Variants in SNX29 observed in about 807,000 individuals in gnomAD.
The protein encoded by SNX29 is sorting nexin-29.
A neutral mutation model predicts 102.1 loss-of-function variants in SNX29; 78 were observed. The ratio of observed to expected loss-of-function variants is 0.76; its 90% CI spans 0.64 to 0.92. The LOEUF (loss-of-function observed/expected upper bound fraction) is 0.92, where lower values mean the gene tolerates loss of function less well. Among genes scored for constraint, SNX29 ranks in the 40% least tolerant of loss-of-function variants. SNX29 has a pLI of 0.00. For synonymous variants in SNX29, 580 were observed against 414.5 expected, an observed-to-expected ratio of 1.40 and a Z score of -4.85; for missense variants, 1,280 against 1,061.7, an observed-to-expected ratio of 1.21 and a Z score of -2.86.
intron 15 of SNX29, among the ~76,000 whole-genome samples, chr16:12,304,077 A>G (rs1052063316): frequency 1.3e-5 from 2 of 152,108 alleles, no homozygotes; most frequent in South Asian, 4.1e-4. Context: ...AATAAGAATG[A>G]TTTCTACCTG....
chr16:12,474,554 G>A (rs1312228544), intron 18 of SNX29, among the ~76,000 whole-genome samples: 6 of 152,150 alleles, frequency 3.9e-5, no homozygotes, highest in Non-Finnish European at 8.8e-5. Context: ...CCTCCAGGGA[G>A]CAAAAACAGT....
chr16:12,405,293 T>G (rs1203305565), intron 18 of SNX29, among the ~76,000 whole-genome samples: 1 of 152,198 alleles, frequency 6.6e-6, no homozygotes, highest in Non-Finnish European at 1.5e-5. Context: ...TTGGCAATTT[T>G]TAGCTCCTGA....
At chr16:12,440,321 C>CT in intron 18 of SNX29, among the ~76,000 whole-genome samples, 1 of 152,210 alleles carries the variant, frequency 6.6e-6, no homozygotes. Context: ...CATCACCACT[C>CT]TAATTCCAGA....
At chr16:12,378,807 C>T (rs564964990) in intron 16 of SNX29, among the ~76,000 whole-genome samples, 1 of 152,290 alleles carries the variant, frequency 6.6e-6, no homozygotes, top group South Asian at 2.1e-4. Context: ...TCCGCTCCCC[C>T]AGCCCAGTCC....
chr16:12,415,173 C>G (rs1400178763), intron 18 of SNX29, among the ~76,000 whole-genome samples: 3 of 152,236 alleles, frequency 2.0e-5, no homozygotes, highest in Non-Finnish European at 4.4e-5. Flanking sequence ...GAGCAGAAAA[C>G]CAGGACCCAC....
intron 19 of SNX29, among the ~76,000 whole-genome samples, chr16:12,481,846 A>G (rs1248599178): frequency 2.6e-5 from 4 of 152,166 alleles, no homozygotes; most frequent in Admixed American, 6.5e-5. Flanking sequence ...ACCCGGCCCC[A>G]TGATTGTCCT....
At chr16:12,034,085 A>G (rs2057412075) in intron 4 of SNX29, among the ~76,000 whole-genome samples, 1 of 152,296 alleles carries the variant, frequency 6.6e-6, no homozygotes, top group East Asian at 1.9e-4. Flanking sequence ...TATACCCATA[A>G]CTGTAAAATG....
Position 12,105,203 on chromosome 16 carries a change from TCCTCCCTCCCTC to T in SNX29, c.1403-21414_1403-21403del, listed in dbSNP as rs55784743. Among the ~76,000 whole-genome samples, 37 of 143,096 alleles carry T rather than the reference TCCTCCCTCCCTC, an allele frequency of 2.6e-4. 1 individual carries two copies. Among genetic ancestry groups the T allele is most frequent in the African/African-American group, 3.4e-4 (13 of 38,614 alleles). 93.9% of individuals were successfully genotyped at this position (143,096 alleles called of 152,430 possible). ...TAATTTATTTCCTTCCTTCCTCCCT[TCCTCCCTCCCTC>T]CCTCCCTCCCTCCCTTCCTTCCTTC... On this transcript the variant is annotated intron_variant, in intron 11 of 20. Transcript: ENST00000566228.
At chr16:12,315,093 C>G (rs567549620) in intron 15 of SNX29, among the ~76,000 whole-genome samples, 1 of 152,280 alleles carries the variant, frequency 6.6e-6, no homozygotes, top group African/African-American at 2.4e-5. Flanking sequence ...TCTCTGGTTT[C>G]ATCCTCTGGA....
At chr16:12,503,014 C>T (rs1015006033) in intron 19 of SNX29, among the ~76,000 whole-genome samples, 3 of 152,194 alleles carry the variant, frequency 2.0e-5, no homozygotes, top group African/African-American at 4.8e-5. Flanking sequence ...TTTCCCTAAT[C>T]CCATGTATCT....
intron 1 of SNX29, among the ~76,000 whole-genome samples, chr16:11,998,615 C>T (rs533629422): frequency 4.4e-4 from 67 of 152,262 alleles, no homozygotes; most frequent in African/African-American, 1.6e-3. Context: ...CTGGCTCCAC[C>T]CAACATGTTT....
At chr16:12,037,250 G>A (rs1226200211) in intron 4 of SNX29, among the ~76,000 whole-genome samples, 2 of 152,150 alleles carry the variant, frequency 1.3e-5, no homozygotes, top group South Asian at 4.1e-4. Flanking sequence ...GTGTGGCTGC[G>A]TTCCAGGAAC....
chr16:12,041,631 G>T (rs2049882951), intron 4 of SNX29, among the ~76,000 whole-genome samples: 1 of 152,100 alleles, frequency 6.6e-6, no homozygotes, highest in Non-Finnish European at 1.5e-5. Context: ...ACCTTCCTTG[G>T]CTATGGCTGC....
chr16:12,127,483 G>A (rs528876183), intron 12 of SNX29, among the ~76,000 whole-genome samples: 3 of 147,460 alleles, frequency 2.0e-5, no homozygotes, highest in African/African-American at 2.5e-5. Context: ...ATGCAGTGGC[G>A]CGATCTCTGC....
At chr16:12,473,342 G>C (rs769828622) in intron 18 of SNX29, among the ~76,000 whole-genome samples, 3 of 152,192 alleles carry the variant, frequency 2.0e-5, no homozygotes, top group Admixed American at 2.0e-4. Flanking sequence ...GATCCAAAGG[G>C]AGAGGCACAA....
chr16:12,232,902 G>C (rs1174433328), intron 14 of SNX29, among the ~76,000 whole-genome samples: 1 of 152,194 alleles, frequency 6.6e-6, no homozygotes, highest in Non-Finnish European at 1.5e-5. Context: ...GCATGGGCTT[G>C]GAGGGGCATG....
intron 2 of SNX29, 123 bp downstream of exon 2, chr16:11,999,481 T>C: frequency 2.2e-6 from 2 of 927,482 alleles, no homozygotes; most frequent in Non-Finnish European, 3.3e-6. Flanking sequence ...AACAGTGAAG[T>C]GATCTACTCA....
At chr16:12,290,957 T>C (rs1032180504) in intron 15 of SNX29, among the ~76,000 whole-genome samples, 2 of 152,154 alleles carry the variant, frequency 1.3e-5, no homozygotes, top group African/African-American at 4.8e-5. Context: ...CACTATAGAC[T>C]TTTTAAGAGC....
chr16:12,014,760 AAG>A (rs1427622045), intron 3 of SNX29, among the ~76,000 whole-genome samples: 1 of 151,774 alleles, frequency 6.6e-6, no homozygotes. Flanking sequence ...AGAAAAGAAA[AAG>A]AAAATCATCA....
Sources: allele counts gnomAD v4.1 joint callset (sites outside exome capture counted in the v4.1 genomes callset), GRCh38; gene constraint gnomAD v4.1.1; transcripts MANE v1.5; gene names NCBI Gene and HGNC (gene_info 2026-07-23, HGNC 2026-07-21).